The following RNGTT variants were observed in gnomAD, a reference collection of about 807,000 sequenced individuals.
The protein encoded by RNGTT is RNA guanylyltransferase and 5'-phosphatase.
A neutral mutation model predicts 79.3 loss-of-function variants in RNGTT; 33 were observed. That is an observed-to-expected ratio of 0.42 (90% confidence interval 0.32 to 0.56). The LOEUF (loss-of-function observed/expected upper bound fraction) is 0.56. RNGTT is among the 20% of genes least tolerant of loss of function. The pLI, the probability that RNGTT is intolerant of heterozygous loss-of-function variation, is 0.17. For synonymous variants in RNGTT, 222 were observed against 235.9 expected, an observed-to-expected ratio of 0.94 and a Z score of 0.54; for missense variants, 497 against 739.1, an observed-to-expected ratio of 0.67 and a Z score of 3.80.
At chr6:88,800,814 A>G (rs1420194238) in intron 12 of RNGTT, among the ~76,000 whole-genome samples, 2 of 152,202 alleles carry the variant, frequency 1.3e-5, no homozygotes, top group African/African-American at 4.8e-5. Context: ...TTCTCTGAGG[A>G]AACTGGGCAA....
chr6:88,658,928 C>T (rs1430451714), intron 14 of RNGTT, among the ~76,000 whole-genome samples: 2 of 152,228 alleles, frequency 1.3e-5, no homozygotes, highest in African/African-American at 4.8e-5. Context: ...GTCAGCTTCC[C>T]TACTTTTGAG....
chr6:88,679,705 G>A (rs998233592), intron 13 of RNGTT, among the ~76,000 whole-genome samples: 2 of 152,162 alleles, frequency 1.3e-5, no homozygotes, highest in African/African-American at 4.8e-5. Context: ...CATTATAACT[G>A]TGCTTGTGGA....
chr6:88,724,882 T>C (rs1158036595), intron 13 of RNGTT, among the ~76,000 whole-genome samples: 1 of 152,038 alleles, frequency 6.6e-6, no homozygotes, highest in East Asian at 1.9e-4. Flanking sequence ...AATTAGCCAA[T>C]CAGAATCACT....
rs1003107381 is a variant in RNGTT, at chr6:88,767,741, A to C, written c.1439+2033T>G. Among the ~76,000 whole-genome samples, 10 of 149,682 alleles carry C rather than the reference A, an allele frequency of 6.7e-5. 1 individual carries two copies. Among genetic ancestry groups the C allele is most frequent in the African/African-American group, 2.0e-4 (8 of 40,690 alleles). ...CACTAGAATTAGTTTCTTAGCCTCA[A>C]TTTTTCTAATAGTGAGATGGTCTTC... On this transcript the variant is annotated intron_variant, in intron 13 of 15. Transcript: ENST00000369485.
chr6:88,665,889 GTA>G (rs1185265494), intron 14 of RNGTT, among the ~76,000 whole-genome samples: 7 of 152,224 alleles, frequency 4.6e-5, no homozygotes, highest in Non-Finnish European at 1.0e-4. Context: ...AGGACTATGG[GTA>G]TAAGGTGTCC....
At chr6:88,820,952 C>T (rs1293862742) in intron 11 of RNGTT, among the ~76,000 whole-genome samples, 1 of 152,006 alleles carries the variant, frequency 6.6e-6, no homozygotes. Flanking sequence ...TATTGTCAAA[C>T]TGATTTTAAA....
At chr6:88,762,001 A>T (rs964666351) in intron 13 of RNGTT, among the ~76,000 whole-genome samples, 2 of 152,030 alleles carry the variant, frequency 1.3e-5, no homozygotes, top group African/African-American at 4.8e-5. Flanking sequence ...ATTATAATCC[A>T]AAAGAAAGAA....
At chr6:88,683,275 A>G (rs1483887517) in intron 13 of RNGTT, among the ~76,000 whole-genome samples, 1 of 152,178 alleles carries the variant, frequency 6.6e-6, no homozygotes, top group East Asian at 1.9e-4. Context: ...CAAAGAAAAA[A>G]GAAAACAGCC....
chr6:88,825,017 A>G (rs922341235), intron 11 of RNGTT, among the ~76,000 whole-genome samples: 1 of 152,204 alleles, frequency 6.6e-6, no homozygotes, highest in African/African-American at 2.4e-5. Flanking sequence ...AGCTGGGATT[A>G]CAGGTGTGAG....
At chr6:88,902,931 C>T (rs778277870) in intron 6 of RNGTT, among the ~76,000 whole-genome samples, 72 of 152,002 alleles carry the variant, frequency 4.7e-4, no homozygotes, top group East Asian at 3.9e-4. Flanking sequence ...CCTGACCTCA[C>T]GATCCACCCA....
intron 8 of RNGTT, among the ~76,000 whole-genome samples, chr6:88,875,371 T>C (rs1782486335): frequency 6.6e-6 from 1 of 152,018 alleles, no homozygotes; most frequent in Non-Finnish European, 1.5e-5. Context: ...GGGATAAAAG[T>C]TCTCACAGGG....
chr6:88,795,970 C>T (rs1462220159), intron 12 of RNGTT, among the ~76,000 whole-genome samples: 1 of 152,088 alleles, frequency 6.6e-6, no homozygotes, highest in Admixed American at 6.5e-5. Context: ...TGTACAAATG[C>T]CATGAGCACA....
At chr6:88,752,948 A>G (rs1188245055) in intron 13 of RNGTT, among the ~76,000 whole-genome samples, 1 of 152,244 alleles carries the variant, frequency 6.6e-6, no homozygotes, top group South Asian at 2.1e-4. Flanking sequence ...GATCCTACAG[A>G]TATTATCAAG....
rs79897194 is a variant in RNGTT, at chr6:88,664,747, G to A, written c.1506+13606C>T. Among the ~76,000 whole-genome samples, 1,259 of 152,296 alleles carry A rather than the reference G, an allele frequency of 8.3e-3. 19 individuals are homozygous for A. The highest frequency in any genetic ancestry group is 0.029 in the African/African-American group (1,186 of 41,554). On this transcript the variant is annotated intron_variant, in intron 14 of 15. Coordinates refer to ENST00000369485, the MANE Select transcript of RNGTT (RefSeq NM_003800.5). ...CCCCAGACAAGGACGAAGGAGCCTT[G>A]TTCAATCTGGCTGAGGGGTTATTGG...
intron 11 of RNGTT, among the ~76,000 whole-genome samples, chr6:88,843,548 C>CTTCTTTTTTTTTT (rs1437292319): frequency 1.5e-5 from 1 of 66,634 alleles, no homozygotes; most frequent in African/African-American, 6.8e-5. Context: ...TAGTATGATT[C>CTTCTTTTTTTTTT]TTTTTTTTTT....
At chr6:88,803,478 G>A (rs1351797187) in intron 11 of RNGTT, among the ~76,000 whole-genome samples, 4 of 150,662 alleles carry the variant, frequency 2.7e-5, no homozygotes, top group Non-Finnish European at 4.4e-5. Context: ...TCACAAGGCC[G>A]AGGCAGGAGA....
chr6:88,952,927 CACA>C (rs1785302846), intron 1 of RNGTT, among the ~76,000 whole-genome samples: 1 of 152,190 alleles, frequency 6.6e-6, no homozygotes, highest in African/African-American at 2.4e-5. Context: ...AGGGAGAGAG[CACA>C]ACATCAAGGG....
intron 4 of RNGTT, among the ~76,000 whole-genome samples, chr6:88,910,498 T>C (rs948302492): frequency 1.3e-5 from 2 of 152,158 alleles, no homozygotes; most frequent in Non-Finnish European, 2.9e-5. Context: ...ATAATAGGAT[T>C]ACATAAAGTG....
chr6:88,781,153 A>C (rs993778042), intron 12 of RNGTT, among the ~76,000 whole-genome samples: 6 of 152,208 alleles, frequency 3.9e-5, no homozygotes. Flanking sequence ...CAACGTATTT[A>C]GTCCCTCTTT....
Sources: allele counts gnomAD v4.1 joint callset (sites outside exome capture counted in the v4.1 genomes callset), GRCh38; gene constraint gnomAD v4.1.1; transcripts MANE v1.5; gene names NCBI Gene and HGNC (gene_info 2026-07-23, HGNC 2026-07-21).